ZBTB38: variants seen among roughly 807,000 people sequenced by gnomAD.
The protein encoded by ZBTB38 is zinc finger and BTB domain containing 38.
Under a neutral mutation model 76.8 loss-of-function variants are expected in ZBTB38, and 20 were observed. The observed-to-expected ratio is 0.26, with a 90% CI of 0.18 to 0.38. ZBTB38 has a LOEUF of 0.38. Among genes scored for constraint, ZBTB38 ranks in the 10% least tolerant of loss-of-function variants. ZBTB38 has a pLI of 1.00. For synonymous variants in ZBTB38, 504 were observed against 544.2 expected (o/e 0.93, Z 1.03); for missense variants, 1,082 against 1,482.3 (o/e 0.73, Z 4.43).
chr3:141,430,191 G>A (rs538575464), intron 5 of ZBTB38, among the ~76,000 whole-genome samples: 3 of 151,922 alleles, frequency 2.0e-5, no homozygotes, highest in Non-Finnish European at 4.4e-5. Flanking sequence ...TCAGCCTCCC[G>A]AGTAGCTGGG....
At chr3:141,363,601 C>T (rs1410999326), upstream of ZBTB38, among the ~76,000 whole-genome samples, 1 of 152,056 alleles carries the variant, frequency 6.6e-6, no homozygotes, top group East Asian at 1.9e-4. Flanking sequence ...TATTTATGGT[C>T]AGTTGATTTT....
chr3:141,416,258 T>A (rs1285687253), intron 5 of ZBTB38, among the ~76,000 whole-genome samples: 1 of 152,238 alleles, frequency 6.6e-6, no homozygotes, highest in Non-Finnish European at 1.5e-5. Context: ...AAAAATGAAT[T>A]AAAAGCCTTT....
chr3:141,331,887 C>T (rs1942864876), intron 1 of ZBTB38, among the ~76,000 whole-genome samples: 1 of 152,216 alleles, frequency 6.6e-6, no homozygotes, highest in Non-Finnish European at 1.5e-5. Context: ...GTCAGGGCCC[C>T]TGGGAGTCCT....
At chr3:141,335,759 C>A (rs954900011) in intron 1 of ZBTB38, among the ~76,000 whole-genome samples, 1 of 152,236 alleles carries the variant, frequency 6.6e-6, no homozygotes, top group Non-Finnish European at 1.5e-5. Flanking sequence ...ATCACATCCG[C>A]ATGCTGTTTC....
chr3:141,398,748 T>A (rs963175759), intron 4 of ZBTB38, among the ~76,000 whole-genome samples: 1 of 152,166 alleles, frequency 6.6e-6, no homozygotes, highest in African/African-American at 2.4e-5. Flanking sequence ...TTTTTAAATG[T>A]GGATTACTAA....
At chr3:141,430,962 AC>A (rs1324176769) in intron 5 of ZBTB38, among the ~76,000 whole-genome samples, 2 of 152,034 alleles carry the variant, frequency 1.3e-5, no homozygotes, top group African/African-American at 2.4e-5. Context: ...GGGAACAGGA[AC>A]CCTGTCCTGG....
In ZBTB38 at chr3:141,443,429, T is replaced by C. The variant is rs772992448; in HGVS notation, c.1041T>C (p.Cys347=). Residue 347 remains cysteine, a synonymous_variant, in exon 6 of 6, where the codon TGT becomes TGC. Coordinates refer to ENST00000321464, the MANE Select transcript of ZBTB38 (RefSeq NM_001376113.1). This position sits in a 1 kb window ranked among gnomAD's most constrained non-coding sequence, Gnocchi z 5.6. ...CTCTGGTGTACAATTGTAGCTGCTG[T>C]TCCAAAGCCTTTGACAGCAGCACTC... is the stretch of plus-strand genomic sequence containing the variant. ...VPPLVYNCSC[C]SKAFDSSTLL... is the part of the protein sequence containing the mutation. 9 of 1,614,046 alleles carry C rather than the reference T, an allele frequency of 5.6e-6. No homozygotes were observed. The highest frequency in any genetic ancestry group is 1.3e-5 in the African/African-American group (1 of 74,902).
chr3:141,447,474 T>G lies in ZBTB38; in HGVS notation c.*1498T>G, dbSNP rs987225598. The G allele has an allele frequency of 1.3e-5, 2 of 152,640 alleles. No individual in the cohort carries two copies. The highest frequency in any genetic ancestry group is 2.9e-5 in the Non-Finnish European group (2 of 68,034). The allele number at this position is 152,640 out of a possible 1,614,324, so 9.5% of individuals were successfully genotyped here. A position where few individuals can be genotyped will look rare whatever the true frequency, so the allele number is the denominator to read the frequency against. On this transcript the variant is annotated 3_prime_UTR_variant, in exon 6 of 6. Transcript: ENST00000321464. ...TTGCCCTACAGCATATTCTATCATG[T>G]GGACTAGGTTCCTGGAAAGCCGGAA...
rs1953318231 is a variant in ZBTB38, at chr3:141,403,919, CTT to C, written c.-105-4_-105-3del. The C allele has an allele frequency of 1.3e-5, 2 of 151,174 alleles. No homozygotes were observed. Among genetic ancestry groups the C allele is most frequent in the Non-Finnish European group, 3.0e-5 (2 of 67,782 alleles). The allele number at this position is 151,174 out of a possible 1,614,324, so 9.4% of individuals were successfully genotyped here. Reference sequence around the variant, plus strand: ...TCATGGGACACTGCACTTTTTTTTTCTTTTTAGATCTTGATGTGGAAGAAATG... The same window carrying C: ...TCATGGGACACTGCACTTTTTTTTTCTTTAGATCTTGATGTGGAAGAAATG... On this transcript the variant is annotated splice_region_variant and splice_polypyrimidine_tract_variant and intron_variant, in intron 4 of 5. Transcript: ENST00000321464.
intron 2 of ZBTB38, among the ~76,000 whole-genome samples, chr3:141,379,199 T>G (rs2149138041): frequency 6.6e-6 from 1 of 152,246 alleles, no homozygotes; most frequent in African/African-American, 2.4e-5. Context: ...GTTTTGAAAT[T>G]AAATTTATTG....
At chr3:141,386,989 T>C (rs1344579628) in intron 4 of ZBTB38, 52 bp downstream of exon 4, 1 of 152,886 alleles carries the variant, frequency 6.5e-6, no homozygotes, top group Non-Finnish European at 1.5e-5. Context: ...CTGCATGCAG[T>C]GCGTATCTTG....
At chr3:141,429,606 G>A (rs1364744280) in intron 5 of ZBTB38, among the ~76,000 whole-genome samples, 1 of 152,226 alleles carries the variant, frequency 6.6e-6, no homozygotes. Context: ...CTTACTTTCT[G>A]GCGGGCAGAG....
intron 4 of ZBTB38, among the ~76,000 whole-genome samples, chr3:141,400,357 T>G (rs1199251698): frequency 6.6e-6 from 1 of 152,202 alleles, no homozygotes. Context: ...TGCCACTGTT[T>G]GTGAATTCCC....
At position 141,443,932 on chromosome 3, in the gene ZBTB38, G is replaced by A. The variant is rs2080736005; in HGVS notation, c.1544G>A (p.Arg515Gln). The A allele has an allele frequency of 1.2e-6, 2 of 1,614,106 alleles. No individual in the cohort carries two copies. Among genetic ancestry groups the A allele is most frequent in the East Asian group, 2.2e-5 (1 of 44,872 alleles). The part of the protein sequence containing the change: ...RHEIWHTGER[R>Q]YQCIFCLETF... ...GAAATTTGGCATACGGGAGAAAGAC[G>A]ATATCAGTGCATTTTCTGTCTTGAA... The change falls in exon 6 of 6, where the codon CGA becomes CAA. Residue 515 changes from arginine (R) to glutamine (Q), a missense_variant. Physicochemically the swap from Arg to Gln is conservative, Grantham distance 43. Transcript: ENST00000321464. This position sits in a 1 kb window ranked among gnomAD's most constrained non-coding sequence, Gnocchi z 5.6.
chr3:141,345,478 C>G (rs998403996), intron 1 of ZBTB38, among the ~76,000 whole-genome samples: 2 of 152,138 alleles, frequency 1.3e-5, no homozygotes, highest in African/African-American at 4.8e-5. Context: ...CGGCCTGCAG[C>G]TCATTCTCTC....
At chr3:141,430,143 G>A (rs1380496094) in intron 5 of ZBTB38, among the ~76,000 whole-genome samples, 1 of 152,128 alleles carries the variant, frequency 6.6e-6, no homozygotes, top group Non-Finnish European at 1.5e-5. Context: ...TTGGCTCACT[G>A]CAACCTCTGC....
chr3:141,340,949 G>GGAAAGAAATAAAGAAA (rs1943167199), intron 1 of ZBTB38, among the ~76,000 whole-genome samples: 1 of 111,928 alleles, frequency 8.9e-6, no homozygotes, highest in African/African-American at 4.1e-5. Flanking sequence ...AAAGAAAGAA[G>GGAAAGAAATAAAGAAA]GAAAGAAAGA....
intron 1 of ZBTB38, among the ~76,000 whole-genome samples, chr3:141,324,890 A>G (rs141889581): frequency 6.6e-6 from 1 of 152,222 alleles, no homozygotes; most frequent in African/African-American, 2.4e-5. Flanking sequence ...TGTATTTATA[A>G]AGATAAAATA....
At chr3:141,380,033 C>A (rs1424439305) in intron 2 of ZBTB38, among the ~76,000 whole-genome samples, 1 of 152,046 alleles carries the variant, frequency 6.6e-6, no homozygotes, top group Non-Finnish European at 1.5e-5. Flanking sequence ...TATCTGACAG[C>A]TTAGAATTTT....
Sources: gnomAD v4.1 joint callset for allele counts (sites outside exome capture counted in the v4.1 genomes callset) on GRCh38, gnomAD v4.1.1 for gene constraint, Gnocchi (gnomAD v3.1) non-coding constraint, MANE v1.5 for transcripts, NCBI Gene and HGNC (gene_info 2026-07-23, HGNC 2026-07-21) for gene names.